Variants in GPHN observed in about 807,000 individuals in gnomAD.
The protein encoded by GPHN is gephyrin.
GPHN carries 17 observed loss-of-function variants against 95.5 expected under a neutral mutation model. The ratio of observed to expected loss-of-function variants is 0.18; its 90% CI spans 0.12 to 0.27. GPHN has a LOEUF of 0.27. GPHN is among the 10% of genes least tolerant of loss of function. The pLI is 1.00. For missense variants in GPHN, 660 were observed against 978.1 expected, an observed-to-expected ratio of 0.67 and a Z score of 4.34; for synonymous variants, 320 against 322.5, an observed-to-expected ratio of 0.99 and a Z score of 0.08.
At chr14:67,071,376 C>T (rs1223280317) in intron 11 of GPHN, among the ~76,000 whole-genome samples, 4 of 151,806 alleles carry the variant, frequency 2.6e-5, no homozygotes, top group Admixed American at 1.3e-4. Flanking sequence ...AGCAAACTAT[C>T]GCAAGGACAG....
chr14:67,647,170 AAC>A, the GPHN span: 6 of 565,780 alleles, frequency 1.1e-5, no homozygotes, highest in East Asian at 2.9e-5. Flanking sequence ...CAAAATTTGA[AAC>A]ACAGGTCATA....
intron 1 of GPHN, among the ~76,000 whole-genome samples, chr14:66,640,554 A>AG (rs1165313142): frequency 7.3e-4 from 111 of 152,320 alleles, no homozygotes; most frequent in African/African-American, 2.6e-3. Context: ...GGGTTTTTTA[A>AG]CTATACCACT....
the GPHN span, among the ~76,000 whole-genome samples, chr14:67,259,880 GAAAAA>G: frequency 1.8e-5 from 2 of 111,944 alleles, no homozygotes; most frequent in Non-Finnish European, 2.1e-5. Flanking sequence ...CTCCATCTAA[GAAAAA>G]AAAAAAAAAA....
intron 1 of GPHN, among the ~76,000 whole-genome samples, chr14:66,605,447 T>C (rs2062475874): frequency 6.6e-6 from 1 of 152,128 alleles, no homozygotes; most frequent in African/African-American, 2.4e-5. Context: ...TCTCTGATGA[T>C]TAGTGATGAT....
At chr14:66,676,379 T>C (rs1174673696) in intron 1 of GPHN, among the ~76,000 whole-genome samples, 1 of 152,168 alleles carries the variant, frequency 6.6e-6, no homozygotes, top group African/African-American at 2.4e-5. Context: ...TACATTCTTT[T>C]CTTGTTCTAG....
chr14:66,888,918 C>T (rs1349234605), intron 5 of GPHN, among the ~76,000 whole-genome samples: 1 of 151,918 alleles, frequency 6.6e-6, no homozygotes, highest in Non-Finnish European at 1.5e-5. Flanking sequence ...TAACCAAAAG[C>T]GAACCATGGT....
the GPHN span, among the ~76,000 whole-genome samples, chr14:67,555,617 C>T: frequency 1.3e-5 from 2 of 152,166 alleles, no homozygotes; most frequent in South Asian, 2.1e-4. Flanking sequence ...ACAGCAGCCA[C>T]GGGCTCTTCA....
chr14:66,776,358 G>C (rs2059382296), intron 2 of GPHN, 106 bp from the exon 3 acceptor site: 1 of 785,996 alleles, frequency 1.3e-6, no homozygotes, highest in Admixed American at 1.7e-5. Flanking sequence ...TTGTTGGGGT[G>C]AATACTGGGA....
intron 1 of GPHN, among the ~76,000 whole-genome samples, chr14:66,582,840 A>C (rs925920382): frequency 2.0e-5 from 3 of 152,178 alleles, no homozygotes; most frequent in Admixed American, 6.5e-5. Context: ...TGCCGCAATA[A>C]ACATACATGT....
chr14:66,983,471 C>T (rs1260871704), intron 9 of GPHN, among the ~76,000 whole-genome samples: 1 of 152,078 alleles, frequency 6.6e-6, no homozygotes, highest in Non-Finnish European at 1.5e-5. Context: ...ATTATTGTTA[C>T]CTGTTTCAGA....
At chr14:67,607,952 A>G in the GPHN span, among the ~76,000 whole-genome samples, 1 of 152,156 alleles carries the variant, frequency 6.6e-6, no homozygotes, top group African/African-American at 2.4e-5. Context: ...GAAAATATTC[A>G]GAGAGCTGGT....
chr14:66,837,366 T>A (rs990334973), intron 4 of GPHN, among the ~76,000 whole-genome samples: 7 of 144,812 alleles, frequency 4.8e-5, no homozygotes, highest in Admixed American at 1.4e-4. Context: ...ACACCGCATG[T>A]TCTCACTCAT....
At chr14:66,546,189 C>T (rs1286225607) in intron 1 of GPHN, among the ~76,000 whole-genome samples, 11 of 151,136 alleles carry the variant, frequency 7.3e-5, no homozygotes, top group East Asian at 3.9e-4. Flanking sequence ...CGGGAAGAGG[C>T]GCTCCTCACT....
chr14:67,216,659 C>A, the GPHN span, among the ~76,000 whole-genome samples: 2 of 152,048 alleles, frequency 1.3e-5, no homozygotes, highest in East Asian at 3.8e-4. Context: ...TTCCTTCACC[C>A]ATTGGTCATT....
chr14:66,822,319 T>C lies in GPHN; in HGVS notation c.202-2155T>C, dbSNP rs370180331. Among the ~76,000 whole-genome samples, 14 of 152,328 alleles carry C rather than the reference T, an allele frequency of 9.2e-5. No homozygotes were observed. The East Asian group carries it at 9.7e-4, about 11-fold the overall frequency. On this transcript the variant is annotated intron_variant, in intron 3 of 22. Transcript: ENST00000478722. ...ATCTGTGAAATTTACCCTTGAGTAATTGAACAGATCGTCTCCTTAGACTAG... is the reference window on the plus strand; with the variant it reads ...ATCTGTGAAATTTACCCTTGAGTAACTGAACAGATCGTCTCCTTAGACTAG...
At chr14:67,582,200 T>G in the GPHN span, 2 of 1,613,704 alleles carry the variant, frequency 1.2e-6, no homozygotes, top group Non-Finnish European at 8.5e-7. The surrounding 1 kb of genome is among the most constrained non-coding windows in gnomAD (Gnocchi z 5.0). Flanking sequence ...ATGGCTGCCC[T>G]GATGGCCCAG....
intron 19 of GPHN, 109 bp downstream of exon 19, chr14:67,159,597 C>CAA: frequency 1.3e-6 from 1 of 743,080 alleles, no homozygotes; most frequent in Non-Finnish European, 2.5e-6. Context: ...TTAACTATTC[C>CAA]AAAAAAAAAG....
chr14:67,132,602 G>A (rs2079790470), intron 17 of GPHN, among the ~76,000 whole-genome samples: 1 of 151,940 alleles, frequency 6.6e-6, no homozygotes, highest in Admixed American at 6.6e-5. Context: ...ATGACGAGAG[G>A]TTCTTTCCGA....
intron 1 of GPHN, among the ~76,000 whole-genome samples, chr14:66,620,536 C>T (rs545035660): frequency 3.9e-5 from 6 of 152,206 alleles, no homozygotes; most frequent in East Asian, 1.9e-4. Flanking sequence ...GAGAACAGCA[C>T]GGGAAATACC....
Sources: gnomAD v4.1 joint callset for allele counts (sites outside exome capture counted in the v4.1 genomes callset) on GRCh38, gnomAD v4.1.1 for gene constraint, Gnocchi (gnomAD v3.1) non-coding constraint, MANE v1.5 for transcripts, NCBI Gene and HGNC (gene_info 2026-07-23, HGNC 2026-07-21) for gene names.